The following ZMYM2 variants were observed in gnomAD, a reference collection of about 807,000 sequenced individuals.
The protein encoded by ZMYM2 is zinc finger MYM-type containing 2, also known as zinc finger MYM-type protein 2.
In ZMYM2, 56 loss-of-function variants were observed where a neutral mutation model predicts 162.8. That is an observed-to-expected ratio of 0.34 (90% CI 0.28 to 0.43). ZMYM2 has a LOEUF of 0.43. Ranked by LOEUF, ZMYM2 falls within the 20% of genes least tolerant of loss-of-function variation. The probability of loss-of-function intolerance (pLI) is 1.00; values close to 1 mark genes in which losing one functional copy is unlikely to be tolerated. For missense variants in ZMYM2, 1,275 were observed against 1,621.8 expected, an observed-to-expected ratio of 0.79 and a Z score of 3.67; for synonymous variants, 510 against 541.6, an observed-to-expected ratio of 0.94 and a Z score of 0.81.
At chr13:19,973,086 G>A (rs1346347804) in intron 2 of ZMYM2, among the ~76,000 whole-genome samples, 1 of 151,512 alleles carries the variant, frequency 6.6e-6, no homozygotes, top group East Asian at 1.9e-4. Context: ...ACAGGTGCCC[G>A]CCACCAGGCT....
At chr13:19,925,261 G>C in the ZMYM2 span, among the ~76,000 whole-genome samples, 1 of 152,128 alleles carries the variant, frequency 6.6e-6, no homozygotes, top group Admixed American at 6.6e-5. Context: ...ATTTGCTATA[G>C]CTTTTTAGTA....
intron 18 of ZMYM2, among the ~76,000 whole-genome samples, chr13:20,063,909 AAT>A (rs1391747908): frequency 6.9e-6 from 1 of 145,372 alleles, no homozygotes; most frequent in Non-Finnish European, 1.5e-5. Flanking sequence ...TTTTATATAT[AAT>A]ATATATTTTA....
At chr13:19,942,757 T>A in the ZMYM2 span, among the ~76,000 whole-genome samples, 1 of 152,232 alleles carries the variant, frequency 6.6e-6, no homozygotes, top group South Asian at 2.1e-4. Context: ...AGCTCATAAT[T>A]TTTTAATGAA....
At chr13:19,865,463 T>G in the ZMYM2 span, among the ~76,000 whole-genome samples, 2 of 152,186 alleles carry the variant, frequency 1.3e-5, no homozygotes, top group Non-Finnish European at 2.9e-5. Flanking sequence ...ATCACCTACA[T>G]TTTTTAGGTC....
the ZMYM2 span, among the ~76,000 whole-genome samples, chr13:19,939,372 TA>T: frequency 3.3e-5 from 5 of 151,680 alleles, no homozygotes; most frequent in Non-Finnish European, 5.9e-5. Context: ...TATCTAAATT[TA>T]AAAAAAAGTA....
chr13:19,990,973 A>G (rs113425249), intron 2 of ZMYM2, among the ~76,000 whole-genome samples: 1 of 151,776 alleles, frequency 6.6e-6, no homozygotes, highest in East Asian at 1.9e-4. Flanking sequence ...GTTCAGAGTT[A>G]GTGATATTAC....
the ZMYM2 span, among the ~76,000 whole-genome samples, chr13:19,910,182 G>T: frequency 6.6e-6 from 1 of 152,056 alleles, no homozygotes; most frequent in African/African-American, 2.4e-5. Context: ...AGCCGAGATT[G>T]CGCCACTGCA....
chr13:19,916,986 G>A, the ZMYM2 span, among the ~76,000 whole-genome samples: 926 of 152,044 alleles, frequency 6.1e-3, no homozygotes, highest in Non-Finnish European at 9.2e-3. Flanking sequence ...ATTTTGAGAC[G>A]GAGTCTCGCT....
the ZMYM2 span, among the ~76,000 whole-genome samples, chr13:19,880,886 G>T: frequency 2.7e-5 from 4 of 147,718 alleles, no homozygotes; most frequent in Non-Finnish European, 6.0e-5. Context: ...TTTTGTTTTT[G>T]TTTTGTTTTT....
chr13:19,924,743 G>A, the ZMYM2 span, among the ~76,000 whole-genome samples: 1 of 151,952 alleles, frequency 6.6e-6, no homozygotes, highest in African/African-American at 2.4e-5. Context: ...CCACCTCTTG[G>A]CTATTGTGAA....
At chr13:20,046,078 C>CAA (rs34444937) in intron 12 of ZMYM2, among the ~76,000 whole-genome samples, 59 of 96,860 alleles carry the variant, frequency 6.1e-4, no homozygotes, top group South Asian at 1.3e-3. Flanking sequence ...CCCATCTCTG[C>CAA]AAAAAAAAAA....
rs1047166746 is a variant in ZMYM2, at chr13:19,992,914, G to T, written c.-10-149G>T. ...AACTATATGAAATGATTAATGAATG[G>T]ATATCACATATTTTCCTGAATGTTA... On this transcript the variant is annotated intron_variant, in intron 2 of 24. Coordinates refer to ENST00000610343, the MANE Select transcript of ZMYM2 (RefSeq NM_197968.4). 6 of 859,944 alleles carry T rather than the reference G, an allele frequency of 7.0e-6. No homozygotes were observed. The Admixed American group carries it at 1.8e-4, about 25-fold the overall frequency. 53.3% of individuals were successfully genotyped at this position (859,944 alleles called of 1,614,324 possible). A position where few individuals can be genotyped will look rare whatever the true frequency, so the allele number is the denominator to read the frequency against.
chr13:20,075,796 C>G (rs927127870), intron 21 of ZMYM2, among the ~76,000 whole-genome samples: 2 of 150,814 alleles, frequency 1.3e-5, no homozygotes, highest in African/African-American at 2.5e-5. Context: ...ATTCTTCTGC[C>G]TCAGCCTCCT....
chr13:19,893,437 C>T, the ZMYM2 span, among the ~76,000 whole-genome samples: 1 of 150,398 alleles, frequency 6.6e-6, no homozygotes, highest in East Asian at 2.0e-4. Context: ...TCTTTTATAA[C>T]ATTTAACACA....
chr13:19,969,497 A>T (rs1475404429), intron 2 of ZMYM2, among the ~76,000 whole-genome samples: 1 of 152,194 alleles, frequency 6.6e-6, no homozygotes, highest in African/African-American at 2.4e-5. Context: ...TTGTGATGAG[A>T]GTGCTGTCAA....
In ZMYM2 at chr13:19,983,065, A is replaced by G. The variant is rs532231868; in HGVS notation, c.-10-9998A>G. 6.2e-4 allele frequency among the ~76,000 whole-genome samples: 94 copies of G among 152,240 alleles called. 1 individual carries two copies. Among genetic ancestry groups the G allele is most frequent in the African/African-American group, 2.2e-3 (93 of 41,556 alleles). ...ATTTTACTATATAAACTCACTGTCT[A>G]TAATAGTTTTTCAGGTAAATCTTCC... On this transcript the variant is annotated intron_variant, in intron 2 of 24. Coordinates refer to ENST00000610343, the MANE Select transcript of ZMYM2 (RefSeq NM_197968.4).
intron 3 of ZMYM2, among the ~76,000 whole-genome samples, chr13:19,994,653 C>A (rs1949883205): frequency 6.6e-6 from 1 of 151,982 alleles, no homozygotes; most frequent in Non-Finnish European, 1.5e-5. Context: ...CCACGCATGG[C>A]TAATTTTTGT....
At chr13:19,916,354 A>T in the ZMYM2 span, among the ~76,000 whole-genome samples, 5 of 152,208 alleles carry the variant, frequency 3.3e-5, no homozygotes, top group African/African-American at 1.2e-4. Flanking sequence ...CAGTGATCCC[A>T]TTACTGGGTA....
At chr13:19,880,006 T>C in the ZMYM2 span, among the ~76,000 whole-genome samples, 2 of 152,268 alleles carry the variant, frequency 1.3e-5, no homozygotes, top group African/African-American at 4.8e-5. Flanking sequence ...ACAACCATCA[T>C]CTCCTGCCCT....
Sources: gnomAD v4.1 joint callset for allele counts (sites outside exome capture counted in the v4.1 genomes callset) on GRCh38, gnomAD v4.1.1 for gene constraint, MANE v1.5 for transcripts, NCBI Gene and HGNC (gene_info 2026-07-23, HGNC 2026-07-21) for gene names.